PDE10A: variants seen among roughly 807,000 people sequenced by gnomAD.
PDE10A encodes phosphodiesterase 10A.
A neutral mutation model predicts 97.7 loss-of-function variants in PDE10A; 39 were observed. That is an observed-to-expected ratio of 0.40 (90% CI 0.31 to 0.52). PDE10A has a LOEUF of 0.52. Ranked by LOEUF, PDE10A falls within the 20% of genes least tolerant of loss-of-function variation. The probability of loss-of-function intolerance (pLI) is 0.56; values close to 1 mark genes in which losing one functional copy is unlikely to be tolerated. For synonymous variants in PDE10A, 371 were observed against 376.8 expected (o/e 0.98, Z 0.18); for missense variants, 731 against 1,047.8 (o/e 0.70, Z 4.17).
At chr6:165,787,369 C>A (rs1438696032) in intron 1 of PDE10A, among the ~76,000 whole-genome samples, 1 of 152,146 alleles carries the variant, frequency 6.6e-6, no homozygotes, top group African/African-American at 2.4e-5. Flanking sequence ...GGTGTTACAG[C>A]CCGGGTGAGG....
intron 1 of PDE10A, among the ~76,000 whole-genome samples, chr6:165,828,761 G>A (rs1478830883): frequency 6.6e-6 from 1 of 152,132 alleles, no homozygotes; most frequent in Non-Finnish European, 1.5e-5. Flanking sequence ...CCCACTGCGG[G>A]CAGTGGAGGC....
rs1554334711 is a variant in PDE10A at position 165,875,736 on chromosome 6, T to TTTTTTG, written c.-615+111792_-615+111793insCAAAAA. Among the ~76,000 whole-genome samples, 405 of 94,356 alleles carry TTTTTTG rather than the reference T, an allele frequency of 4.3e-3. 4 individuals carry two copies. Among genetic ancestry groups the TTTTTTG allele is most frequent in the African/African-American group, 0.016 (387 of 24,934 alleles). The allele number at this position is 94,356 out of a possible 152,430, so 61.9% of individuals were successfully genotyped here. On this transcript the variant is annotated intron_variant, in intron 1 of 19. Transcript: ENST00000366882. Reference sequence around the variant, plus strand: ...AGGACTTATTTTCTTTTACTGTTTTTTTTTTTTTTTTGTGTGTGTGTGTGT... The same window carrying TTTTTTG: ...AGGACTTATTTTCTTTTACTGTTTTTTTTTTGTTTTTTTTTTTGTGTGTGTGTGTGT...
At chr6:165,560,801 C>T (rs536752698) in intron 1 of PDE10A, among the ~76,000 whole-genome samples, 1 of 152,076 alleles carries the variant, frequency 6.6e-6, no homozygotes, top group African/African-American at 2.4e-5. Flanking sequence ...TGAACTGTGG[C>T]CCCAGGTGTT....
chr6:165,622,187 G>C (rs772755866), intron 1 of PDE10A, among the ~76,000 whole-genome samples: 143 of 152,284 alleles, frequency 9.4e-4, no homozygotes, highest in Non-Finnish European at 1.5e-3. Flanking sequence ...CCTGTTTCCA[G>C]ACTTGCTGGC....
At chr6:165,835,054 G>A (rs1780030771) in intron 1 of PDE10A, among the ~76,000 whole-genome samples, 2 of 152,196 alleles carry the variant, frequency 1.3e-5, no homozygotes, top group African/African-American at 2.4e-5. Flanking sequence ...GGCTGCAGAA[G>A]TCATTCAGCG....
intron 1 of PDE10A, among the ~76,000 whole-genome samples, chr6:165,643,272 C>T (rs3008044): frequency 0.66 from 100,244 of 151,708 alleles, 34,001 homozygotes; most frequent in Middle Eastern, 0.8. Flanking sequence ...GATGGAGAGA[C>T]GAGCAGACAG....
chr6:165,520,908 G>A (rs1431193191), intron 2 of PDE10A, among the ~76,000 whole-genome samples: 1 of 152,170 alleles, frequency 6.6e-6, no homozygotes, highest in East Asian at 1.9e-4. Flanking sequence ...TCAGGCTCTG[G>A]GAAGAGCCCT....
At chr6:165,957,824 A>G (rs982252930) in intron 1 of PDE10A, among the ~76,000 whole-genome samples, 1 of 152,224 alleles carries the variant, frequency 6.6e-6, no homozygotes, top group Non-Finnish European at 1.5e-5. Context: ...CACCTTTAAA[A>G]TAGAGTTGTT....
intron 1 of PDE10A, among the ~76,000 whole-genome samples, chr6:165,632,635 T>C (rs1401642559): frequency 2.0e-5 from 3 of 152,206 alleles, no homozygotes; most frequent in East Asian, 1.9e-4. Context: ...AAAGAGACTA[T>C]GACTTTGATC....
At chr6:165,584,799 G>T (rs1222700117) in intron 1 of PDE10A, among the ~76,000 whole-genome samples, 1 of 152,072 alleles carries the variant, frequency 6.6e-6, no homozygotes, top group African/African-American at 2.4e-5. Flanking sequence ...AATGACCCAG[G>T]CCCCTCAGGA....
intron 1 of PDE10A, among the ~76,000 whole-genome samples, chr6:165,967,774 C>T (rs1784554474): frequency 6.6e-6 from 1 of 152,142 alleles, no homozygotes; most frequent in Non-Finnish European, 1.5e-5. Flanking sequence ...TGACTATTTT[C>T]CCAGTCTCTA....
intron 1 of PDE10A, among the ~76,000 whole-genome samples, chr6:165,958,567 C>A (rs11320660): frequency 0.12 from 669 of 5,450 alleles, 37 homozygotes; most frequent in Middle Eastern, 0.31. Flanking sequence ...GAAAGAAAGA[C>A]AGACAGAAAG....
intron 1 of PDE10A, among the ~76,000 whole-genome samples, chr6:165,594,378 C>T (rs1399163545): frequency 1.3e-5 from 2 of 151,862 alleles, no homozygotes; most frequent in South Asian, 2.1e-4. Flanking sequence ...GTTTGAATAT[C>T]GGAAATAATA....
At chr6:165,530,281 G>A (rs201607492) in intron 2 of PDE10A, among the ~76,000 whole-genome samples, 9 of 23,594 alleles carry the variant, frequency 3.8e-4, no homozygotes, top group South Asian at 4.6e-3. Context: ...GTGTGTGTGT[G>A]TGTGTGTGTG....
chr6:165,618,203 AG>A (rs1787815556), intron 1 of PDE10A, among the ~76,000 whole-genome samples: 1 of 152,228 alleles, frequency 6.6e-6, no homozygotes, highest in Admixed American at 6.5e-5. Context: ...CTGATGCATA[AG>A]AAACCCTCAA....
intron 18 of PDE10A, among the ~76,000 whole-genome samples, chr6:165,360,747 C>T (rs779244603): frequency 3.3e-5 from 5 of 152,118 alleles, no homozygotes; most frequent in Non-Finnish European, 4.4e-5. Context: ...AGCAATGTCT[C>T]CCCCAAATAC....
chr6:165,385,412 C>T (rs959610990), intron 17 of PDE10A, among the ~76,000 whole-genome samples: 1 of 152,116 alleles, frequency 6.6e-6, no homozygotes, highest in Admixed American at 6.5e-5. Context: ...GTACGAGAGT[C>T]CTCAGGGCAC....
chr6:165,513,497 ATAT>A (rs1209785830), intron 2 of PDE10A, among the ~76,000 whole-genome samples: 4 of 152,102 alleles, frequency 2.6e-5, no homozygotes, highest in Admixed American at 1.3e-4. Context: ...TCATTTTAAA[ATAT>A]TATTATGATT....
At chr6:165,821,059 G>A (rs551369044) in intron 1 of PDE10A, among the ~76,000 whole-genome samples, 8 of 152,250 alleles carry the variant, frequency 5.3e-5, no homozygotes, top group South Asian at 4.1e-4. Flanking sequence ...GAAATAGCTC[G>A]GGGACCAGGG....
Sources: allele counts gnomAD v4.1 joint callset (sites outside exome capture counted in the v4.1 genomes callset), GRCh38; gene constraint gnomAD v4.1.1; transcripts MANE v1.5; gene names NCBI Gene and HGNC (gene_info 2026-07-23, HGNC 2026-07-21).